PSD4: variants seen among roughly 807,000 people sequenced by gnomAD.
PSD4 encodes pleckstrin and Sec7 domain containing 4.
A neutral mutation model predicts 112.5 loss-of-function variants in PSD4; 59 were observed. The observed-to-expected ratio is 0.52, with a 90% CI of 0.43 to 0.65. PSD4 has a LOEUF of 0.65. Ranked by LOEUF, PSD4 falls within the 30% of genes least tolerant of loss-of-function variation. The pLI, the probability that PSD4 is intolerant of heterozygous loss-of-function variation, is 0.00. For synonymous variants in PSD4, 533 were observed against 540.0 expected (o/e 0.99, Z 0.18); for missense variants, 1,267 against 1,352.6 (o/e 0.94, Z 0.99).
chr2:113,180,785 A>G (rs1381628397), intron 1 of PSD4, among the ~76,000 whole-genome samples: 3 of 152,192 alleles, frequency 2.0e-5, no homozygotes, highest in African/African-American at 7.2e-5. Context: ...TGGAAGTCAC[A>G]CGTGGTTATA....
At chr2:113,200,833 A>G (rs931713426) in intron 16 of PSD4, among the ~76,000 whole-genome samples, 3 of 152,168 alleles carry the variant, frequency 2.0e-5, no homozygotes, top group Non-Finnish European at 4.4e-5. Context: ...AGGGCTGCAA[A>G]GATCTCAGGC....
At chr2:113,184,104 A>AC (rs1218816092) in intron 2 of PSD4, among the ~76,000 whole-genome samples, 1 of 152,248 alleles carries the variant, frequency 6.6e-6, no homozygotes, top group African/African-American at 2.4e-5. Context: ...GCTCTGTGAG[A>AC]CAATAGGGAG....
At chr2:113,194,019 A>T in intron 10 of PSD4, 71 bp downstream of exon 10, 1 of 1,481,540 alleles carries the variant, frequency 6.7e-7, no homozygotes, top group Non-Finnish European at 9.3e-7. Context: ...TCCAAGGGAG[A>T]TGCTGAGCTT....
Position 113,201,470 on chromosome 2 carries a change from A to G in PSD4, c.*55A>G. 1 of 1,593,454 alleles carries G rather than the reference A, an allele frequency of 6.3e-7. No homozygotes were observed. Among genetic ancestry groups the G allele is most frequent in the Non-Finnish European group, 8.5e-7 (1 of 1,170,128 alleles). ...CTGCTCCAGGGTAGACCTGAGATGA[A>G]CCTCCCTGGAGGAGACTTATTTCAA... is the stretch of plus-strand genomic sequence containing the variant. On this transcript the variant is annotated 3_prime_UTR_variant, in exon 17 of 17. Transcript: ENST00000245796.
rs528159341 is a variant in PSD4 at position 113,197,156 on chromosome 2, G to A, written c.2387-408G>A. The A allele has an allele frequency of 4.2e-5, 12 of 288,352 alleles. No individual in the cohort carries two copies. The East Asian group carries it at 7.1e-4, about 17-fold the overall frequency. 17.9% of individuals were successfully genotyped at this position (288,352 alleles called of 1,614,324 possible). ...AGGGCACCCCAAAGCTGGGCTCTGC[G>A]CCCTTGAGCCCCTCTAGATGGGTAT... On this transcript the variant is annotated intron_variant, in intron 12 of 16. Coordinates refer to ENST00000245796, the MANE Select transcript of PSD4 (RefSeq NM_012455.3).
At chr2:113,180,170 C>T (rs1028778596) in intron 1 of PSD4, among the ~76,000 whole-genome samples, 3 of 152,242 alleles carry the variant, frequency 2.0e-5, no homozygotes, top group African/African-American at 2.4e-5. Context: ...CGTGAGAGAG[C>T]GCTGAGGGTT....
At chr2:113,192,921 A>C in intron 6 of PSD4, 127 bp from the exon 7 acceptor site, 4 of 900,640 alleles carry the variant, frequency 4.4e-6, no homozygotes, top group Non-Finnish European at 6.8e-6. Context: ...CCCAAGGCCC[A>C]GCGTGCCTGC....
chr2:113,199,051 G>A, intron 15 of PSD4, 32 bp from the exon 16 acceptor site: 4 of 1,518,222 alleles, frequency 2.6e-6, no homozygotes, highest in Non-Finnish European at 3.5e-6. Flanking sequence ...GGGACGCCCG[G>A]GACAGCGCCC....
At chr2:113,180,632 C>T (rs1688105501) in intron 1 of PSD4, among the ~76,000 whole-genome samples, 2 of 151,986 alleles carry the variant, frequency 1.3e-5, no homozygotes, top group Admixed American at 1.3e-4. Context: ...AGTCATTAAG[C>T]CAGACTCAGG....
chr2:113,188,064 A>G (rs1688346511), intron 5 of PSD4, among the ~76,000 whole-genome samples: 1 of 152,246 alleles, frequency 6.6e-6, no homozygotes, highest in Non-Finnish European at 1.5e-5. Flanking sequence ...AAATAAAAAT[A>G]AAGAATAAAT....
rs1688500451 is a variant in PSD4 at position 113,193,069 on chromosome 2, G to A, written c.1860G>A (p.Val620=). The A allele has an allele frequency of 1.9e-6, 3 of 1,614,180 alleles. No individual in the cohort carries two copies. Among genetic ancestry groups the A allele is most frequent in the Non-Finnish European group, 2.5e-6 (3 of 1,179,992 alleles). Residue 620 remains valine (V), a synonymous_variant, in exon 7 of 17, where the codon GTG becomes GTA. Transcript: ENST00000245796. ...LQKNNDFSRA[V]AEEYLSFFQF... ...GCAGCAATGACTTTAGCAGGGCTGTGGCTGAGGAGTACCTGTCCTTCTTCC... is the reference window on the plus strand; with the variant it reads ...GCAGCAATGACTTTAGCAGGGCTGTAGCTGAGGAGTACCTGTCCTTCTTCC...
At chr2:113,180,907 G>C (rs189480312) in intron 1 of PSD4, among the ~76,000 whole-genome samples, 117 of 152,180 alleles carry the variant, frequency 7.7e-4, no homozygotes, top group Non-Finnish European at 1.3e-3. Flanking sequence ...TGAAGAAAAT[G>C]AGGCAAAGGG....
At chr2:113,190,679 T>A (rs1476937573) in intron 5 of PSD4, among the ~76,000 whole-genome samples, 1 of 152,192 alleles carries the variant, frequency 6.6e-6, no homozygotes, top group Non-Finnish European at 1.5e-5. Context: ...GGTCTCCAAC[T>A]CTTGAGCTCA....
rs909473582 is a variant in PSD4, at chr2:113,205,838, A to G, written c.*4423A>G. The G allele has an allele frequency of 1.3e-5, 2 of 152,252 alleles. No homozygotes were observed. The highest frequency in any genetic ancestry group is 2.9e-5 in the Non-Finnish European group (2 of 68,038). 9.4% of individuals were successfully genotyped at this position (152,252 alleles called of 1,614,324 possible). A position where few individuals can be genotyped will look rare whatever the true frequency, so the allele number is the denominator to read the frequency against. ...CCTTTTTCCTCCTGCTGAGCTGAGC[A>G]GGCATGCTCACAGATCCTCAAGGTT... On this transcript the variant is annotated 3_prime_UTR_variant, in exon 17 of 17. Transcript: ENST00000245796.
Position 113,182,795 on chromosome 2 carries a change from C to T in PSD4, c.339C>T (p.Leu113=). The change falls in exon 2 of 17, where the codon CTC becomes CTT. Residue 113 remains leucine, a synonymous_variant. Coordinates refer to ENST00000245796, the MANE Select transcript of PSD4 (RefSeq NM_012455.3). ...CTCCCTGGGGCTCCGGTGTGGAGCTCACACACCTGGGGAGCCCCTCTGCCC... is the reference window on the plus strand; with the variant it reads ...CTCCCTGGGGCTCCGGTGTGGAGCTTACACACCTGGGGAGCCCCTCTGCCC... The part of the protein sequence containing the change: ...DAPPWGSGVE[L]THLGSPSAQR... The T allele has an allele frequency of 6.2e-7, 1 of 1,602,354 alleles. No individual in the cohort carries two copies. Among genetic ancestry groups the T allele is most frequent in the Non-Finnish European group, 8.5e-7 (1 of 1,172,686 alleles).
intron 7 of PSD4, 57 bp from the exon 8 acceptor site, chr2:113,193,201 G>A (rs1435784326): frequency 3.4e-5 from 55 of 1,599,300 alleles, no homozygotes; most frequent in Non-Finnish European, 4.4e-5. Flanking sequence ...CTGAGGCTGG[G>A]ATCTGATTGG....
intron 8 of PSD4, 108 bp downstream of exon 8, chr2:113,193,478 G>A: frequency 6.1e-6 from 9 of 1,486,188 alleles, no homozygotes; most frequent in South Asian, 1.1e-5. Context: ...GTTGGGGGCT[G>A]TGGAGAATGG....
In PSD4 at chr2:113,196,268, CT is replaced by C. The variant is rs775443963; in HGVS notation, c.2348del (p.Leu783ArgfsTer36). The C allele has an allele frequency of 6.2e-6, 10 of 1,613,896 alleles. No homozygotes were observed. Among genetic ancestry groups the C allele is most frequent in the African/African-American group, 1.3e-5 (1 of 75,068 alleles). ...AGTGCCCACCTACAAGCAGGGCATC[CT>C]GGCTCGGAAAATGCATCAAGATGCA... ...PTVPTYKQGI[L>X]ARKMHQDADG... On this transcript the variant is annotated frameshift_variant, in exon 12 of 17. Transcript: ENST00000245796. LOFTEE classifies it high-confidence loss of function.
Position 113,182,852 on chromosome 2 carries a change from A to G in PSD4, c.396A>G (p.Pro132=). 6.2e-7 allele frequency: 1 copy of G among 1,613,982 alleles called. No homozygotes were observed. Among genetic ancestry groups the G allele is most frequent in the Non-Finnish European group, 8.5e-7 (1 of 1,179,886 alleles). The part of the protein sequence containing the change: ...QREHRQNTAS[P]GSPVNSHLPG... Reference sequence around the variant, plus strand: ...AGCACAGGCAGAACACAGCATCACCAGGGTCACCAGTGAACAGCCATCTAC... The same window carrying G: ...AGCACAGGCAGAACACAGCATCACCGGGGTCACCAGTGAACAGCCATCTAC... Residue 132 remains proline (P), a synonymous_variant, in exon 2 of 17, where the codon CCA becomes CCG. Coordinates refer to ENST00000245796, the MANE Select transcript of PSD4 (RefSeq NM_012455.3).
Sources: gnomAD v4.1 joint callset for allele counts (sites outside exome capture counted in the v4.1 genomes callset) on GRCh38, gnomAD v4.1.1 for gene constraint, MANE v1.5 for transcripts, NCBI Gene and HGNC (gene_info 2026-07-23, HGNC 2026-07-21) for gene names.